DNAH11: variants seen among roughly 807,000 people sequenced by gnomAD.
The protein encoded by DNAH11 is axonemal beta dynein heavy chain 11.
A neutral mutation model predicts 526.0 loss-of-function variants in DNAH11; 442 were observed. That is an observed-to-expected ratio of 0.84 (90% confidence interval 0.78 to 0.91). The LOEUF (loss-of-function observed/expected upper bound fraction) is 0.91, where lower values mean the gene tolerates loss of function less well. Ranked by LOEUF, DNAH11 falls within the 40% of genes least tolerant of loss-of-function variation. The pLI, the probability that DNAH11 is intolerant of heterozygous loss-of-function variation, is 0.00. For synonymous variants in DNAH11, 2,461 were observed against 1,935.9 expected (o/e 1.27, Z -7.12); for missense variants, 6,989 against 5,448.7 (o/e 1.28, Z -8.90).
chr7:21,554,919 A>T (rs186179066), intron 2 of DNAH11, among the ~76,000 whole-genome samples: 1 of 152,098 alleles, frequency 6.6e-6, no homozygotes, highest in Non-Finnish European at 1.5e-5. Context: ...TAAAGGAGCA[A>T]TTGGTTCGAC....
chr7:21,734,155 C>A (rs141181354), intron 45 of DNAH11, among the ~76,000 whole-genome samples: 1 of 152,312 alleles, frequency 6.6e-6, no homozygotes, highest in African/African-American at 2.4e-5. Context: ...CTGCCACTTA[C>A]TAGTAGCTAT....
In DNAH11 at chr7:21,900,029, G is replaced by A. The variant is rs774004689; in HGVS notation, c.13212G>A (p.Thr4404=). 3.5e-5 allele frequency: 57 copies of A among 1,613,774 alleles called. No individual in the cohort carries two copies. The highest frequency in any genetic ancestry group is 6.7e-5 in the Admixed American group (4 of 59,994). The change falls in exon 81 of 82, where the codon ACG becomes ACA. Residue 4404 remains threonine (T), a synonymous_variant. Transcript: ENST00000409508. Reference sequence around the variant, plus strand: ...AAAATGAGTGGCCCCTGGATAAAACGCGCTTGACTGCTGATGTTACCAAAA... The same window carrying A: ...AAAATGAGTGGCCCCTGGATAAAACACGCTTGACTGCTGATGTTACCAAAA... ...ARKNEWPLDK[T]RLTADVTKKT...
chr7:21,589,249 A>T lies in DNAH11; in HGVS notation c.2015A>T (p.Tyr672Phe), dbSNP rs531579082. Reference protein sequence around the residue: ...NPDHALVYQKYVEMTTLLDQF... With the variant: ...NPDHALVYQKFVEMTTLLDQF... Reference sequence around the variant, plus strand: ...GATCACGCTTTAGTTTATCAAAAGTATGTTGAAATGACCACTTTGCTTGAT... The same window carrying T: ...GATCACGCTTTAGTTTATCAAAAGTTTGTTGAAATGACCACTTTGCTTGAT... The change falls in exon 12 of 82, where the codon TAT becomes TTT. Residue 672 changes from tyrosine to phenylalanine, a missense_variant. By Grantham distance (22) the Tyr-to-Phe change is conservative. Transcript: ENST00000409508. The T allele has an allele frequency of 6.2e-7, 1 of 1,610,652 alleles. No individual in the cohort carries two copies. Among genetic ancestry groups the T allele is most frequent in the Non-Finnish European group, 8.5e-7 (1 of 1,178,962 alleles).
intron 32 of DNAH11, among the ~76,000 whole-genome samples, chr7:21,684,721 G>C (rs974351991): frequency 2.0e-5 from 3 of 152,168 alleles, no homozygotes; most frequent in Non-Finnish European, 2.9e-5. Context: ...TATTTCAAGG[G>C]GGCAGGAGGT....
chr7:21,568,626 G>A (rs1783764890), intron 6 of DNAH11, among the ~76,000 whole-genome samples: 1 of 152,186 alleles, frequency 6.6e-6, no homozygotes, highest in African/African-American at 2.4e-5. Flanking sequence ...TGTATGAACA[G>A]GAGGTTCTTT....
intron 50 of DNAH11, 86 bp downstream of exon 50, chr7:21,744,685 T>G: frequency 6.5e-7 from 1 of 1,538,816 alleles, no homozygotes. Flanking sequence ...ATGAGAGAAG[T>G]GCACAAGGGC....
At position 21,638,985 on chromosome 7, in the gene DNAH11, C is replaced by T. The variant is rs566705895; in HGVS notation, c.4864C>T (p.Arg1622Cys). Reference sequence around the variant, plus strand: ...TCTCGCTGAATACCTGGAAACCAAGCGCATAGCCTTTCCTCGCTTCTATTT... The same window carrying T: ...TCTCGCTGAATACCTGGAAACCAAGTGCATAGCCTTTCCTCGCTTCTATTT... ...KALAEYLETK[R>C]IAFPRFYFVS... is the part of the protein sequence containing the mutation. Residue 1622 changes from arginine to cysteine, a missense_variant, in exon 28 of 82, where the codon CGC (arginine) becomes TGC (cysteine). Coordinates refer to ENST00000409508, the MANE Select transcript of DNAH11 (RefSeq NM_001277115.2). The T allele has an allele frequency of 1.1e-5, 17 of 1,613,550 alleles. No individual in the cohort carries two copies. Among genetic ancestry groups the T allele is most frequent in the South Asian group, 5.5e-5 (5 of 90,966 alleles).
intron 61 of DNAH11, among the ~76,000 whole-genome samples, chr7:21,791,877 G>T (rs529382626): frequency 5.9e-5 from 9 of 152,258 alleles, no homozygotes; most frequent in Admixed American, 5.9e-4. Context: ...TTCTCACATT[G>T]CTATAAAGAA....
intron 54 of DNAH11, 28 bp downstream of exon 54, chr7:21,750,392 T>C: frequency 1.3e-6 from 2 of 1,578,850 alleles, no homozygotes; most frequent in Non-Finnish European, 1.7e-6. Context: ...AATTTGCATG[T>C]TAGTTAAAAC....
At chr7:21,899,281 G>C in intron 79 of DNAH11, 55 bp from the exon 80 acceptor site, 2 of 1,424,554 alleles carry the variant, frequency 1.4e-6, no homozygotes, top group African/African-American at 1.4e-5. Context: ...GAACATACTG[G>C]AAAATGGCTA....
At chr7:21,607,878 C>T (rs753883449) in intron 20 of DNAH11, among the ~76,000 whole-genome samples, 1 of 128,922 alleles carries the variant, frequency 7.8e-6, no homozygotes, top group Non-Finnish European at 1.5e-5. Flanking sequence ...GCAGAGATTG[C>T]AGTGAGCCGA....
Position 21,581,963 on chromosome 7 carries a change from T to G in DNAH11, c.1652T>G (p.Leu551Arg), listed in dbSNP as rs773406119. 1.2e-6 allele frequency: 2 copies of G among 1,613,488 alleles called. No individual in the cohort carries two copies. The highest frequency in any genetic ancestry group is 1.7e-6 in the Non-Finnish European group (2 of 1,179,546). The change falls in exon 9 of 82, where the codon CTT (leucine) becomes CGT (arginine). Residue 551 changes from leucine (L) to arginine (R), a missense_variant. Coordinates refer to ENST00000409508, the MANE Select transcript of DNAH11 (RefSeq NM_001277115.2). ...AAAACTCTGGAATTTGACAGAAGGC[T>G]TGGGACAATTATTTGTGAAGCTTTC... ...KSKTLEFDRR[L>R]GTIICEAFFN...
chr7:21,804,344 C>T (rs1339771759), intron 62 of DNAH11, among the ~76,000 whole-genome samples: 10 of 152,178 alleles, frequency 6.6e-5, no homozygotes, highest in East Asian at 3.9e-4. Context: ...CTCTTGACCT[C>T]GTGATCCACC....
chr7:21,764,665 C>G (rs1482960785), intron 54 of DNAH11, among the ~76,000 whole-genome samples: 1 of 152,230 alleles, frequency 6.6e-6, no homozygotes, highest in East Asian at 1.9e-4. Flanking sequence ...GTGCTCCTCT[C>G]ACTGAGTTTC....
At chr7:21,837,059 T>C (rs1194857879) in intron 65 of DNAH11, among the ~76,000 whole-genome samples, 1 of 150,566 alleles carries the variant, frequency 6.6e-6, no homozygotes, top group Admixed American at 6.8e-5. Flanking sequence ...TTCACCCCAA[T>C]TAGAATGGAT....
chr7:21,612,575 A>AAAAAAAAAAAAAAAAAG (rs1785576982), intron 20 of DNAH11, among the ~76,000 whole-genome samples: 1 of 150,104 alleles, frequency 6.7e-6, no homozygotes, highest in Non-Finnish European at 1.5e-5. Context: ...AAAAAAAAAA[A>AAAAAAAAAAAAAAAAAG]AGAGACTAAG....
At chr7:21,546,957 C>T (rs960587026) in intron 2 of DNAH11, among the ~76,000 whole-genome samples, 8 of 152,144 alleles carry the variant, frequency 5.3e-5, no homozygotes, top group African/African-American at 1.4e-4. Context: ...GTAAAGAGAT[C>T]CACAGCAAAG....
At chr7:21,633,922 C>T (rs1276793988) in intron 25 of DNAH11, among the ~76,000 whole-genome samples, 1 of 152,198 alleles carries the variant, frequency 6.6e-6, no homozygotes, top group Non-Finnish European at 1.5e-5. Context: ...AATGTTAAGA[C>T]TCTAGTTTCC....
chr7:21,699,697 T>A (rs1783983860), intron 36 of DNAH11, among the ~76,000 whole-genome samples: 1 of 152,098 alleles, frequency 6.6e-6, no homozygotes. Context: ...CTTAAAATCT[T>A]TTTTTAATGA....
Sources: allele counts gnomAD v4.1 joint callset (sites outside exome capture counted in the v4.1 genomes callset), GRCh38; gene constraint gnomAD v4.1.1; transcripts MANE v1.5; gene names NCBI Gene and HGNC (gene_info 2026-07-23, HGNC 2026-07-21).